ARHGAP24: variants seen among roughly 807,000 people sequenced by gnomAD.
ARHGAP24 encodes Rho GTPase activating protein 24.
A neutral mutation model predicts 76.4 loss-of-function variants in ARHGAP24; 50 were observed. That is an observed-to-expected ratio of 0.65 (90% CI 0.52 to 0.83). ARHGAP24 has a LOEUF of 0.83. Ranked by LOEUF, ARHGAP24 falls within the 40% of genes least tolerant of loss-of-function variation. The pLI is 0.00. For synonymous variants in ARHGAP24, 345 were observed against 323.3 expected (o/e 1.07, Z -0.72); for missense variants, 930 against 914.2 (o/e 1.02, Z -0.22).
intron 2 of ARHGAP24, among the ~76,000 whole-genome samples, chr4:85,706,351 A>C (rs1309789934): frequency 6.6e-6 from 1 of 152,190 alleles, no homozygotes; most frequent in African/African-American, 2.4e-5. Context: ...GGAAACTACT[A>C]GCTAAGAACT....
At chr4:85,777,601 T>A (rs1160598831) in intron 3 of ARHGAP24, among the ~76,000 whole-genome samples, 1 of 152,166 alleles carries the variant, frequency 6.6e-6, no homozygotes, top group Non-Finnish European at 1.5e-5. Flanking sequence ...ATGTTTGAAG[T>A]GTGAGAATGA....
chr4:85,600,178 G>T (rs1373578078), intron 2 of ARHGAP24, among the ~76,000 whole-genome samples: 4 of 152,186 alleles, frequency 2.6e-5, no homozygotes, highest in Non-Finnish European at 5.9e-5. Context: ...AAAGAACTTA[G>T]TGGGTTATGG....
chr4:85,965,626 T>C (rs1315955569), intron 5 of ARHGAP24, among the ~76,000 whole-genome samples: 1 of 152,152 alleles, frequency 6.6e-6, no homozygotes, highest in African/African-American at 2.4e-5. Context: ...CAAATACATG[T>C]TCTGTATCAG....
At chr4:85,931,001 C>T (rs1257096297) in intron 4 of ARHGAP24, 3 of 1,613,684 alleles carry the variant, frequency 1.9e-6, no homozygotes, top group Non-Finnish European at 2.5e-6. Flanking sequence ...ATCCCTAAAA[C>T]TACATACAGA....
At chr4:85,602,802 C>G (rs1720077313) in intron 2 of ARHGAP24, among the ~76,000 whole-genome samples, 2 of 152,120 alleles carry the variant, frequency 1.3e-5, no homozygotes. Context: ...ATGTTTTTCT[C>G]TTGGCGTCCT....
At chr4:85,712,366 G>A (rs1724560775) in intron 2 of ARHGAP24, among the ~76,000 whole-genome samples, 1 of 152,132 alleles carries the variant, frequency 6.6e-6, no homozygotes, top group Admixed American at 6.6e-5. Context: ...AGTGTTTAGG[G>A]TGGACTCATT....
At chr4:85,805,064 A>C (rs1029376001) in intron 3 of ARHGAP24, among the ~76,000 whole-genome samples, 1 of 152,206 alleles carries the variant, frequency 6.6e-6, no homozygotes, top group African/African-American at 2.4e-5. Context: ...AGTTTATTTG[A>C]GCTACAAGTT....
At chr4:85,939,163 T>C (rs543095187) in intron 4 of ARHGAP24, among the ~76,000 whole-genome samples, 4 of 152,298 alleles carry the variant, frequency 2.6e-5, no homozygotes, top group African/African-American at 9.6e-5. Context: ...GAGTTTTAAA[T>C]GTGAGAAATG....
intron 3 of ARHGAP24, among the ~76,000 whole-genome samples, chr4:85,882,060 A>G (rs966867559): frequency 1.3e-5 from 2 of 152,196 alleles, no homozygotes; most frequent in Non-Finnish European, 2.9e-5. Context: ...GGAAATAAAA[A>G]TCAGAAGATC....
intron 4 of ARHGAP24, chr4:85,930,162 G>T: frequency 1.2e-6 from 1 of 821,510 alleles, no homozygotes; most frequent in Non-Finnish European, 1.5e-6. Context: ...GAAAAGGGGA[G>T]ACGGAGCAGG....
intron 3 of ARHGAP24, among the ~76,000 whole-genome samples, chr4:85,914,418 G>A (rs1297086375): frequency 6.6e-6 from 1 of 152,186 alleles, no homozygotes; most frequent in African/African-American, 2.4e-5. Context: ...AGTGTGGAAT[G>A]AGGTCCAAGA....
chr4:85,926,681 T>C (rs1198771607), intron 4 of ARHGAP24, among the ~76,000 whole-genome samples: 1 of 152,230 alleles, frequency 6.6e-6, no homozygotes, highest in Non-Finnish European at 1.5e-5. Flanking sequence ...ACACTGTGTA[T>C]TACGTTTCCA....
intron 3 of ARHGAP24, among the ~76,000 whole-genome samples, chr4:85,741,390 A>G (rs1725821532): frequency 6.6e-6 from 1 of 152,262 alleles, no homozygotes; most frequent in South Asian, 2.1e-4. Context: ...ATAAATACAT[A>G]AACAGGGTTT....
At chr4:85,703,630 TAGA>T (rs887991684) in intron 2 of ARHGAP24, among the ~76,000 whole-genome samples, 1 of 152,118 alleles carries the variant, frequency 6.6e-6, no homozygotes, top group African/African-American at 2.4e-5. Flanking sequence ...CACTGACATC[TAGA>T]AAGCTGACCC....
Position 85,866,131 on chromosome 4 carries a change from G to C in ARHGAP24, c.269-57517G>C, listed in dbSNP as rs115077412. On this transcript the variant is annotated intron_variant, in intron 3 of 9. Transcript: ENST00000395184. ...CATTTATCAGATGCAATATTGATTTGAGAAATAAATACATATTTTACATTT... is the reference window on the plus strand; with the variant it reads ...CATTTATCAGATGCAATATTGATTTCAGAAATAAATACATATTTTACATTT... 7.1e-3 allele frequency among the ~76,000 whole-genome samples: 1,083 copies of C among 152,142 alleles called. 10 individuals carry two copies. Among genetic ancestry groups the C allele is most frequent in the African/African-American group, 0.025 (1,037 of 41,522 alleles).
At chr4:85,898,670 C>T (rs1162686079) in intron 3 of ARHGAP24, among the ~76,000 whole-genome samples, 1 of 152,158 alleles carries the variant, frequency 6.6e-6, no homozygotes, top group Non-Finnish European at 1.5e-5. Flanking sequence ...TGCCACTTCT[C>T]TTAAGAAAAT....
In ARHGAP24 at chr4:85,571,012, A is replaced by C. The variant is rs150161823; in HGVS notation, c.180+291A>C. On this transcript the variant is annotated intron_variant, in intron 2 of 9. Transcript: ENST00000395184. ...TTAGTTCATGAGAAAATTTTAGTAG[A>C]CATCTGCTAAAAGATATATCATAGC... 8.9e-3 allele frequency: 2,654 copies of C among 297,978 alleles called. 23 individuals are homozygous for C. Among genetic ancestry groups the C allele is most frequent in the Middle Eastern group, 0.023 (21 of 932 alleles). 18.5% of individuals were successfully genotyped at this position (297,978 alleles called of 1,614,324 possible). A position where few individuals can be genotyped will look rare whatever the true frequency, so the allele number is the denominator to read the frequency against.
chr4:85,751,322 T>C (rs1448404767), intron 3 of ARHGAP24, among the ~76,000 whole-genome samples: 2 of 152,228 alleles, frequency 1.3e-5, no homozygotes, highest in Non-Finnish European at 2.9e-5. Flanking sequence ...TCTTAATAGG[T>C]ATTTAGGCAT....
chr4:85,968,789 T>C (rs1291296156), intron 5 of ARHGAP24, among the ~76,000 whole-genome samples: 2 of 152,138 alleles, frequency 1.3e-5, no homozygotes, highest in Non-Finnish European at 2.9e-5. Context: ...TCTCTATCTC[T>C]ACTGAGTAGC....
Sources: allele counts gnomAD v4.1 joint callset (sites outside exome capture counted in the v4.1 genomes callset), GRCh38; gene constraint gnomAD v4.1.1; transcripts MANE v1.5; gene names NCBI Gene and HGNC (gene_info 2026-07-23, HGNC 2026-07-21).